The following UBAC2 variants were observed in gnomAD, a reference collection of about 807,000 sequenced individuals.
The protein encoded by UBAC2 is UBA domain containing 2.
Under a neutral mutation model 44.0 loss-of-function variants are expected in UBAC2, and 26 were observed. The ratio of observed to expected loss-of-function variants is 0.59; its 90% CI spans 0.43 to 0.82. The LOEUF (loss-of-function observed/expected upper bound fraction) is 0.82, where lower values mean the gene tolerates loss of function less well. Among genes scored for constraint, UBAC2 ranks in the 40% least tolerant of loss-of-function variants. The probability of loss-of-function intolerance (pLI) is 0.00; values close to 1 mark genes in which losing one functional copy is unlikely to be tolerated. For missense variants in UBAC2, 329 were observed against 419.4 expected (o/e 0.78, Z 1.88); for synonymous variants, 155 against 154.3 (o/e 1.00, Z -0.04).
At chr13:99,262,881 G>A (rs9517667) in intron 4 of UBAC2, among the ~76,000 whole-genome samples, 21,476 of 152,074 alleles carry the variant, frequency 0.14, 1,785 homozygotes, top group East Asian at 0.35. Context: ...AAGGTTGAGG[G>A]TTGTTGGTTT....
chr13:99,201,227 G>C, intron 1 of UBAC2: 1 of 1,427,628 alleles, frequency 7.0e-7, no homozygotes, highest in Non-Finnish European at 9.2e-7. Flanking sequence ...CAAGTGGGCA[G>C]GTGCCCTGGT....
chr13:99,288,833 T>C (rs1326456189), intron 4 of UBAC2, among the ~76,000 whole-genome samples: 2 of 152,206 alleles, frequency 1.3e-5, no homozygotes, highest in Non-Finnish European at 2.9e-5. Flanking sequence ...AATCATATAA[T>C]CTCCTCAGCT....
In UBAC2 at chr13:99,200,951, C is replaced by A; in HGVS notation, c.31+12C>A. The A allele has an allele frequency of 7.7e-7, 1 of 1,305,648 alleles. No individual in the cohort carries two copies. Among genetic ancestry groups the A allele is most frequent in the Non-Finnish European group, 9.8e-7 (1 of 1,019,144 alleles). The allele number at this position is 1,305,648 out of a possible 1,614,324, so 80.9% of individuals were successfully genotyped here. A position where few individuals can be genotyped will look rare whatever the true frequency, so the allele number is the denominator to read the frequency against. On this transcript the variant is annotated intron_variant, in intron 1 of 8. Transcript: ENST00000403766. ...CTCCAGTGGGCTCTGTGAGTACCGGCCTCCGCCATCCTGGCTGCCCCCTAC... is the reference window on the plus strand; with the variant it reads ...CTCCAGTGGGCTCTGTGAGTACCGGACTCCGCCATCCTGGCTGCCCCCTAC...
At chr13:99,357,592 G>A (rs2045205986) in intron 7 of UBAC2, among the ~76,000 whole-genome samples, 1 of 152,172 alleles carries the variant, frequency 6.6e-6, no homozygotes, top group Non-Finnish European at 1.5e-5. Flanking sequence ...CAGAGCACAG[G>A]GAATTGCAAA....
chr13:99,338,272 G>A (rs2044831028), intron 6 of UBAC2, among the ~76,000 whole-genome samples: 1 of 151,830 alleles, frequency 6.6e-6, no homozygotes, highest in African/African-American at 2.4e-5. Context: ...TGGCCAGGCT[G>A]GTCTCAAACT....
Position 99,385,758 on chromosome 13 carries a change from A to G in UBAC2, c.*423A>G, listed in dbSNP as rs879304309. On this transcript the variant is annotated 3_prime_UTR_variant, in exon 9 of 9. Coordinates refer to ENST00000403766, the MANE Select transcript of UBAC2 (RefSeq NM_001144072.2). ...CAAAGGACATGTCAGATCCTTCTTC[A>G]TGGACTTTTTTAGTTACTGTTTTTT... The G allele has an allele frequency of 3.6e-5, 6 of 164,582 alleles. No individual in the cohort carries two copies. The highest frequency in any genetic ancestry group is 1.2e-4 in the Admixed American group (2 of 17,186). The allele number at this position is 164,582 out of a possible 1,614,324, so 10.2% of individuals were successfully genotyped here.
chr13:99,372,212 G>C (rs2045416465), intron 8 of UBAC2: 1 of 152,330 alleles, frequency 6.6e-6, no homozygotes, highest in East Asian at 1.9e-4. Context: ...CGAGATGTCT[G>C]CTCATGCCTT....
intron 1 of UBAC2, among the ~76,000 whole-genome samples, chr13:99,237,646 AAG>A (rs1441987570): frequency 1.3e-5 from 2 of 152,252 alleles, no homozygotes; most frequent in Admixed American, 6.5e-5. Context: ...GCCTAAAGAA[AAG>A]AGAGATATTT....
chr13:99,245,419 G>A (rs1245370977), intron 4 of UBAC2, among the ~76,000 whole-genome samples: 3 of 152,144 alleles, frequency 2.0e-5, no homozygotes, highest in East Asian at 1.9e-4. Flanking sequence ...ACAACCTGCC[G>A]TGGCCAACCC....
intron 7 of UBAC2, among the ~76,000 whole-genome samples, chr13:99,343,597 G>C (rs116686588): frequency 0.011 from 1,717 of 152,326 alleles, 39 homozygotes; most frequent in African/African-American, 0.039. Flanking sequence ...ACCAGCCCCT[G>C]GGCTCTTGCT....
intron 1 of UBAC2, among the ~76,000 whole-genome samples, chr13:99,237,350 CATGG>C (rs1201344059): frequency 6.6e-6 from 1 of 151,754 alleles, no homozygotes. Context: ...TTTGCAGCCA[CATGG>C]ATGGAACTAG....
chr13:99,337,682 G>T (rs1342443096), intron 6 of UBAC2, among the ~76,000 whole-genome samples: 1 of 152,036 alleles, frequency 6.6e-6, no homozygotes, highest in Non-Finnish European at 1.5e-5. Context: ...CCCCTATGCT[G>T]ACAGCCGCAT....
chr13:99,278,001 G>A (rs1218684460), intron 4 of UBAC2, among the ~76,000 whole-genome samples: 2 of 152,116 alleles, frequency 1.3e-5, no homozygotes, highest in Admixed American at 6.5e-5. Flanking sequence ...TGCTGTTCTC[G>A]ATGAGCAGAT....
At chr13:99,283,026 A>C (rs371570537) in intron 4 of UBAC2, among the ~76,000 whole-genome samples, 2 of 152,232 alleles carry the variant, frequency 1.3e-5, no homozygotes, top group Non-Finnish European at 2.9e-5. Flanking sequence ...GAAGTAATAG[A>C]ATGAATTCTG....
intron 5 of UBAC2, among the ~76,000 whole-genome samples, chr13:99,316,829 A>G (rs2044498620): frequency 2.0e-5 from 3 of 152,220 alleles, no homozygotes; most frequent in Admixed American, 2.0e-4. Flanking sequence ...ACCACCTGCT[A>G]GCTGTTGACC....
intron 7 of UBAC2, among the ~76,000 whole-genome samples, chr13:99,348,404 T>A (rs1173586211): frequency 6.6e-6 from 1 of 151,962 alleles, no homozygotes; most frequent in African/African-American, 2.4e-5. Flanking sequence ...GCGAGGGTAA[T>A]CTTGAGGCCA....
chr13:99,202,829 T>C (rs1367125494), intron 1 of UBAC2, among the ~76,000 whole-genome samples: 1 of 152,096 alleles, frequency 6.6e-6, no homozygotes, highest in Non-Finnish European at 1.5e-5. Context: ...ATTTTGGGCA[T>C]CTCCTCTGGG....
chr13:99,351,439 C>T, intron 7 of UBAC2: 1 of 428,116 alleles, frequency 2.3e-6, no homozygotes, highest in South Asian at 1.7e-5. Flanking sequence ...TCTCTTGCCT[C>T]TTTATCTTCC....
rs535192176 is a variant in UBAC2 at position 99,357,705 on chromosome 13, A to G, written c.808-10082A>G. 2.6e-5 allele frequency among the ~76,000 whole-genome samples: 4 copies of G among 152,288 alleles called. No individual in the cohort carries two copies. The South Asian group carries it at 8.3e-4, about 32-fold the overall frequency. On this transcript the variant is annotated intron_variant, in intron 7 of 8. Transcript: ENST00000403766. ...TGTATTAGAAGAGGATGCTATGTCC[A>G]TGAAGAATGTAGGTATCAAGCATGT... is the stretch of plus-strand genomic sequence containing the variant.
Sources: allele counts gnomAD v4.1 joint callset (sites outside exome capture counted in the v4.1 genomes callset), GRCh38; gene constraint gnomAD v4.1.1; transcripts MANE v1.5; gene names NCBI Gene and HGNC (gene_info 2026-07-23, HGNC 2026-07-21).